Variants in AIDA observed in about 807,000 individuals in gnomAD.
The protein encoded by AIDA is axin interactor, dorsalization-associated protein.
A neutral mutation model predicts 42.7 loss-of-function variants in AIDA; 18 were observed. That is an observed-to-expected ratio of 0.42 (90% CI 0.29 to 0.63). The LOEUF (loss-of-function observed/expected upper bound fraction) is 0.63, where lower values mean the gene tolerates loss of function less well. Ranked by LOEUF, AIDA falls within the 20% of genes least tolerant of loss-of-function variation. AIDA has a pLI of 0.19. For missense variants in AIDA, 250 were observed against 354.1 expected (o/e 0.71, Z 2.36); for synonymous variants, 104 against 122.9 (o/e 0.85, Z 1.02).
At chr1:222,682,581 T>C (rs1038830504) in intron 6 of AIDA, among the ~76,000 whole-genome samples, 4 of 152,154 alleles carry the variant, frequency 2.6e-5, no homozygotes, top group African/African-American at 4.8e-5. Flanking sequence ...AATATATACA[T>C]ATGATAATAT....
At chr1:222,678,153 A>C (rs549120030) in intron 6 of AIDA, among the ~76,000 whole-genome samples, 1 of 151,498 alleles carries the variant, frequency 6.6e-6, no homozygotes, top group African/African-American at 2.4e-5. Context: ...ATCATATGTA[A>C]AGTTGAGTAT....
intron 2 of AIDA, among the ~76,000 whole-genome samples, chr1:222,700,974 G>GC (rs1435311992): frequency 6.8e-6 from 1 of 146,718 alleles, no homozygotes. Flanking sequence ...TTTTTTTTGG[G>GC]GGGGGGGGGA....
chr1:222,689,371 T>C (rs985849721), intron 4 of AIDA, among the ~76,000 whole-genome samples: 3 of 150,076 alleles, frequency 2.0e-5, no homozygotes, highest in African/African-American at 2.4e-5. Context: ...ACCCAGGAGA[T>C]GGAGGTTGCA....
chr1:222,679,231 C>T (rs912045086), intron 6 of AIDA, among the ~76,000 whole-genome samples: 1 of 151,478 alleles, frequency 6.6e-6, no homozygotes, highest in African/African-American at 2.4e-5. Flanking sequence ...TAAAAACATA[C>T]AATAATTAAA....
chr1:222,678,373 A>C (rs1367020851), intron 6 of AIDA, among the ~76,000 whole-genome samples: 1 of 152,140 alleles, frequency 6.6e-6, no homozygotes, highest in Admixed American at 6.6e-5. Flanking sequence ...TCTGACAGAC[A>C]AAAGAGACAA....
chr1:222,701,759 T>C (rs1352048541), intron 2 of AIDA, among the ~76,000 whole-genome samples: 1 of 152,244 alleles, frequency 6.6e-6, no homozygotes, highest in Non-Finnish European at 1.5e-5. Context: ...TTGCTCTGGC[T>C]GTCGCGCAGG....
intron 2 of AIDA, among the ~76,000 whole-genome samples, chr1:222,699,970 C>T (rs577572596): frequency 2.0e-5 from 3 of 152,152 alleles, no homozygotes; most frequent in African/African-American, 7.2e-5. Flanking sequence ...CGGGGTTTCA[C>T]CGTGAATTCG....
intron 4 of AIDA, among the ~76,000 whole-genome samples, chr1:222,689,600 TATAC>T (rs1655314709): frequency 4.9e-5 from 7 of 143,416 alleles, no homozygotes; most frequent in African/African-American, 1.8e-4. Flanking sequence ...CACACATATA[TATAC>T]ACACACACAC....
At chr1:222,695,760 A>C (rs1437029717) in intron 2 of AIDA, among the ~76,000 whole-genome samples, 5 of 152,226 alleles carry the variant, frequency 3.3e-5, no homozygotes, top group Non-Finnish European at 7.3e-5. Flanking sequence ...CAGATCATAA[A>C]AGTATTTATG....
At chr1:222,674,095 CAAAA>C (rs1007276568) in intron 7 of AIDA, among the ~76,000 whole-genome samples, 1 of 152,104 alleles carries the variant, frequency 6.6e-6, no homozygotes, top group African/African-American at 2.4e-5. Context: ...GTCAAAAAAA[CAAAA>C]AACAAACAAA....
chr1:222,674,658 C>CTAGAAA (rs1664513728), intron 7 of AIDA, among the ~76,000 whole-genome samples: 1 of 152,128 alleles, frequency 6.6e-6, no homozygotes, highest in African/African-American at 2.4e-5. Context: ...CTGTTTTATA[C>CTAGAAA]CAACTAGAAA....
chr1:222,690,608 C>T (rs1466012684), intron 4 of AIDA, among the ~76,000 whole-genome samples: 1 of 152,096 alleles, frequency 6.6e-6, no homozygotes, highest in African/African-American at 2.4e-5. Context: ...CCAGAGACTG[C>T]ATGTTGCAAT....
chr1:222,688,177 G>A (rs1245217435), intron 4 of AIDA, among the ~76,000 whole-genome samples: 2 of 152,068 alleles, frequency 1.3e-5, no homozygotes, highest in South Asian at 2.1e-4. Flanking sequence ...CCATGATCAC[G>A]CCATTGCAAG....
chr1:222,676,791 G>A (rs528594800), intron 6 of AIDA, among the ~76,000 whole-genome samples: 3 of 151,844 alleles, frequency 2.0e-5, no homozygotes, highest in Non-Finnish European at 4.4e-5. Flanking sequence ...GAGTACCAGG[G>A]ACTACAGGCA....
chr1:222,680,284 G>C (rs1664630750), intron 6 of AIDA, among the ~76,000 whole-genome samples: 1 of 152,010 alleles, frequency 6.6e-6, no homozygotes, highest in African/African-American at 2.4e-5. Flanking sequence ...GGAAGCCACT[G>C]GTAGCTGATG....
At chr1:222,678,698 A>G (rs182760579) in intron 6 of AIDA, among the ~76,000 whole-genome samples, 1 of 152,296 alleles carries the variant, frequency 6.6e-6, no homozygotes, top group Admixed American at 6.5e-5. Flanking sequence ...AAGGTTCAGT[A>G]GTTTTATCTT....
At position 222,687,379 on chromosome 1, in the gene AIDA, C is replaced by T. The variant is rs144970248; in HGVS notation, c.353+216G>A. Among the ~76,000 whole-genome samples the T allele has an allele frequency of 9.3e-3, 1,411 of 152,032 alleles. 19 individuals are homozygous for T. The highest frequency in any genetic ancestry group is 0.032 in the African/African-American group (1,337 of 41,454). The stretch of plus-strand genomic sequence containing the variant: ...CCAGGAGGCGGAGGTTGCAGTGAGC[C>T]GAGATAGCGCCACTGCATGCCAGCC... On this transcript the variant is annotated intron_variant, in intron 5 of 9. Coordinates refer to ENST00000340020, the MANE Select transcript of AIDA (RefSeq NM_022831.4).
intron 4 of AIDA, among the ~76,000 whole-genome samples, chr1:222,688,370 G>A (rs1212326830): frequency 6.6e-6 from 1 of 152,042 alleles, no homozygotes; most frequent in Non-Finnish European, 1.5e-5. Context: ...CTGGCATTCT[G>A]AGTCTTAAAA....
In AIDA at chr1:222,687,639, T is replaced by C. The variant is rs1655237478; in HGVS notation, c.309A>G (p.Thr103=). The C allele has an allele frequency of 6.7e-7, 1 of 1,493,818 alleles. No individual in the cohort carries two copies. The highest frequency in any genetic ancestry group is 9.1e-7 in the Non-Finnish European group (1 of 1,100,050). The allele number at this position is 1,493,818 out of a possible 1,614,324, so 92.5% of individuals were successfully genotyped here. ...CATCAAATGGGAATTCTTTATTATA[T>C]GTAAGAATATTCTTTAGGACTAGAA... is the stretch of plus-strand genomic sequence containing the variant. ...KLEPILKNIL[T]YNKEFPFDVQ... is the part of the protein sequence containing the mutation. The change falls in exon 5 of 10, where the codon ACA becomes ACG. Residue 103 remains threonine (T), a synonymous_variant. Coordinates refer to ENST00000340020, the MANE Select transcript of AIDA (RefSeq NM_022831.4).
Sources: gnomAD v4.1 joint callset for allele counts (sites outside exome capture counted in the v4.1 genomes callset) on GRCh38, gnomAD v4.1.1 for gene constraint, MANE v1.5 for transcripts, NCBI Gene and HGNC (gene_info 2026-07-23, HGNC 2026-07-21) for gene names.